ABCA13: variants seen among roughly 807,000 people sequenced by gnomAD.
The protein encoded by ABCA13 is ATP binding cassette subfamily A member 13.
In ABCA13, 476 loss-of-function variants were observed where a neutral mutation model predicts 478.7. The ratio of observed to expected loss-of-function variants is 0.99; its 90% CI spans 0.92 to 1.07. ABCA13 has a LOEUF of 1.07. Ranked by LOEUF, ABCA13 falls within the 50% of genes least tolerant of loss-of-function variation. ABCA13 has a pLI of 0.00. For missense variants in ABCA13, 6,060 were observed against 5,910.6 expected, an observed-to-expected ratio of 1.03 and a Z score of -0.83; for synonymous variants, 2,252 against 2,158.9, an observed-to-expected ratio of 1.04 and a Z score of -1.20.
rs562551501 is a variant in ABCA13, at chr7:48,347,396, C to T, written c.10205-3247C>T. Among the ~76,000 whole-genome samples, 15 of 152,292 alleles carry T rather than the reference C, an allele frequency of 9.8e-5. No homozygotes were observed. In the East Asian group the frequency reaches 2.9e-3, roughly 29 times the overall value. On this transcript the variant is annotated intron_variant, in intron 29 of 61. Coordinates refer to ENST00000435803, the MANE Select transcript of ABCA13 (RefSeq NM_152701.5). Reference sequence around the variant, plus strand: ...TCTTCTTCTCGCACACCCTTGTATCCACCCTCCTCCCTGGGTGGAGTAATT... The same window carrying T: ...TCTTCTTCTCGCACACCCTTGTATCTACCCTCCTCCCTGGGTGGAGTAATT...
intron 5 of ABCA13, among the ~76,000 whole-genome samples, chr7:48,223,692 C>T (rs971787711): frequency 3.9e-5 from 6 of 152,066 alleles, no homozygotes; most frequent in African/African-American, 7.2e-5. Context: ...CTCAGTGGCT[C>T]ATGCCTGTAA....
At chr7:48,267,466 G>C (rs1180997217) in intron 15 of ABCA13, among the ~76,000 whole-genome samples, 1 of 152,068 alleles carries the variant, frequency 6.6e-6, no homozygotes, top group African/African-American at 2.4e-5. Context: ...ATTAGTGTTA[G>C]AGTGGTATGC....
chr7:48,533,889 T>A (rs115834525), intron 55 of ABCA13, among the ~76,000 whole-genome samples: 1,608 of 152,242 alleles, frequency 0.011, 28 homozygotes, highest in African/African-American at 0.037. Flanking sequence ...TGTGTATCCT[T>A]ATGTGTTAGA....
In ABCA13 at chr7:48,279,626, A is replaced by C; in HGVS notation, c.8432A>C (p.Gln2811Pro). ...TPLSQNITHHQLEKAIHNVLS... is the reference protein window; with the variant it reads ...TPLSQNITHHPLEKAIHNVLS... Reference sequence around the variant, plus strand: ...TTGAGTCAGAATATAACTCATCATCAACTTGAAAAAGCAATCCATAATGTT... The same window carrying C: ...TTGAGTCAGAATATAACTCATCATCCACTTGAAAAAGCAATCCATAATGTT... The change falls in exon 18 of 62, where the codon CAA (glutamine) becomes CCA (proline). Residue 2811 changes from glutamine to proline, a missense_variant. This residue lies in a region of ABCA13 where 4,423 missense variants were observed against 4,309.1 expected (regional missense o/e 1.03). Coordinates refer to ENST00000435803, the MANE Select transcript of ABCA13 (RefSeq NM_152701.5). 1 of 1,612,648 alleles carries C rather than the reference A, an allele frequency of 6.2e-7. No individual in the cohort carries two copies. Among genetic ancestry groups the C allele is most frequent in the Non-Finnish European group, 8.5e-7 (1 of 1,179,422 alleles).
intron 60 of ABCA13, 68 bp from the exon 61 acceptor site, chr7:48,644,546 TGTA>T (rs1795310006): frequency 2.0e-6 from 3 of 1,479,898 alleles, no homozygotes. Flanking sequence ...GCCAATTAAA[TGTA>T]GTATGATCAA....
chr7:48,242,287 G>C (rs1449698010), intron 10 of ABCA13, among the ~76,000 whole-genome samples: 1 of 151,976 alleles, frequency 6.6e-6, no homozygotes, highest in Admixed American at 6.6e-5. Context: ...ACAGAGATGG[G>C]GGGAAGCTGA....
At chr7:48,198,777 G>A (rs1798281461) in intron 3 of ABCA13, among the ~76,000 whole-genome samples, 1 of 152,146 alleles carries the variant, frequency 6.6e-6, no homozygotes, top group Non-Finnish European at 1.5e-5. Flanking sequence ...GCCAGCTGAG[G>A]GAAAATAAAA....
chr7:48,524,193 G>A, intron 53 of ABCA13, 55 bp from the exon 54 acceptor site: 8 of 1,523,744 alleles, frequency 5.3e-6, no homozygotes, highest in Non-Finnish European at 7.1e-6. Context: ...GCCTCTTCTA[G>A]ACTATTCTGG....
intron 35 of ABCA13, among the ~76,000 whole-genome samples, chr7:48,378,947 T>A (rs1007288827): frequency 6.6e-6 from 1 of 152,212 alleles, no homozygotes; most frequent in Admixed American, 6.5e-5. Context: ...CAGACACTCA[T>A]TTCAACATTT....
At chr7:48,441,549 C>A (rs911889819) in intron 42 of ABCA13, among the ~76,000 whole-genome samples, 8 of 152,038 alleles carry the variant, frequency 5.3e-5, no homozygotes, top group African/African-American at 1.9e-4. Context: ...TCATAGGGAC[C>A]CTAGTAGCTC....
At chr7:48,403,600 G>GT (rs1489109588) in intron 38 of ABCA13, 83 bp from the exon 39 acceptor site, 2 of 1,376,184 alleles carry the variant, frequency 1.5e-6, no homozygotes, top group African/African-American at 2.9e-5. Context: ...TTCAGCCACT[G>GT]TTAGTCATTA....
intron 55 of ABCA13, among the ~76,000 whole-genome samples, chr7:48,574,762 T>A (rs2131338196): frequency 6.6e-6 from 1 of 152,310 alleles, no homozygotes; most frequent in East Asian, 1.9e-4. Flanking sequence ...TATGTGTGAC[T>A]AATATTTCGA....
intron 1 of ABCA13, among the ~76,000 whole-genome samples, chr7:48,178,793 C>A (rs1795240553): frequency 6.6e-6 from 1 of 151,304 alleles, no homozygotes; most frequent in African/African-American, 2.4e-5. Flanking sequence ...ACAAGCCATC[C>A]AGTTTCTCAT....
At chr7:48,357,394 G>T (rs1563113339) in intron 31 of ABCA13, among the ~76,000 whole-genome samples, 1 of 151,920 alleles carries the variant, frequency 6.6e-6, no homozygotes, top group Non-Finnish European at 1.5e-5. Context: ...GCTCTGTCCT[G>T]TCCCACCAAC....
chr7:48,411,043 CTTTCTTTTTCT>C (rs755343886), intron 40 of ABCA13, among the ~76,000 whole-genome samples: 1 of 89,382 alleles, frequency 1.1e-5, no homozygotes, highest in Admixed American at 1.2e-4. Context: ...TTCTTTCTTT[CTTTCTTTTTCT>C]TTCTTTCTTT....
At chr7:48,586,008 T>C (rs1263002241) in intron 56 of ABCA13, among the ~76,000 whole-genome samples, 1 of 152,122 alleles carries the variant, frequency 6.6e-6, no homozygotes, top group Non-Finnish European at 1.5e-5. Context: ...TATAGACACA[T>C]ATAATACACA....
intron 42 of ABCA13, among the ~76,000 whole-genome samples, chr7:48,454,495 C>T (rs1024924254): frequency 6.6e-6 from 1 of 152,222 alleles, no homozygotes; most frequent in South Asian, 2.1e-4. Flanking sequence ...CGCTGCGTCC[C>T]CCAGAGCAGG....
intron 53 of ABCA13, 67 bp from the exon 54 acceptor site, chr7:48,524,181 T>G: frequency 7.0e-7 from 1 of 1,429,490 alleles, no homozygotes; most frequent in South Asian, 1.4e-5. Flanking sequence ...TCTGACCTTT[T>G]TGCCTCTTCT....
At chr7:48,345,007 A>G (rs1490450107) in intron 29 of ABCA13, among the ~76,000 whole-genome samples, 3 of 152,226 alleles carry the variant, frequency 2.0e-5, no homozygotes, top group Admixed American at 1.3e-4. Flanking sequence ...TTAATGCCAC[A>G]TAATAACATT....
Sources: allele counts gnomAD v4.1 joint callset (sites outside exome capture counted in the v4.1 genomes callset), GRCh38; gene constraint gnomAD v4.1.1; regional missense constraint gnomAD v4.1.1; transcripts MANE v1.5; gene names NCBI Gene and HGNC (gene_info 2026-07-23, HGNC 2026-07-21).